KCNK13: variants seen among roughly 807,000 people sequenced by gnomAD.
The protein encoded by KCNK13 is potassium two pore domain channel subfamily K member 13.
A neutral mutation model predicts 23.4 loss-of-function variants in KCNK13; 12 were observed. That is an observed-to-expected ratio of 0.51 (90% CI 0.33 to 0.83). The LOEUF (loss-of-function observed/expected upper bound fraction) is 0.83. Among genes scored for constraint, KCNK13 ranks in the 40% least tolerant of loss-of-function variants. The probability of loss-of-function intolerance (pLI) is 0.02; values close to 1 mark genes in which losing one functional copy is unlikely to be tolerated. For missense variants in KCNK13, 463 were observed against 556.3 expected (o/e 0.83, Z 1.69); for synonymous variants, 231 against 229.5 (o/e 1.01, Z -0.06).
chr14:90,152,736 C>T (rs1437667071), intron 1 of KCNK13, among the ~76,000 whole-genome samples: 2 of 152,128 alleles, frequency 1.3e-5, no homozygotes, highest in Non-Finnish European at 2.9e-5. Flanking sequence ...AGTGTGATAC[C>T]TCCAGGTTTA....
chr14:90,176,144 C>T (rs1890420011), intron 1 of KCNK13, among the ~76,000 whole-genome samples: 1 of 152,146 alleles, frequency 6.6e-6, no homozygotes, highest in Non-Finnish European at 1.5e-5. Context: ...TCTTTGGAAC[C>T]TATGTACCAC....
chr14:90,181,618 G>A (rs1048598699), intron 1 of KCNK13, among the ~76,000 whole-genome samples: 3 of 152,164 alleles, frequency 2.0e-5, no homozygotes, highest in Admixed American at 1.3e-4. Flanking sequence ...GAACTTAACA[G>A]GTGCTCAGTA....
chr14:90,069,494 C>T (rs1889049237), intron 1 of KCNK13, among the ~76,000 whole-genome samples: 1 of 151,764 alleles, frequency 6.6e-6, no homozygotes, highest in African/African-American at 2.4e-5. Flanking sequence ...GTGTGTAAAT[C>T]CATGTGGTGC....
intron 1 of KCNK13, among the ~76,000 whole-genome samples, chr14:90,065,140 AT>A (rs1349722455): frequency 3.9e-5 from 6 of 152,210 alleles, no homozygotes; most frequent in African/African-American, 1.4e-4. Flanking sequence ...ATACATATGC[AT>A]TTTTAAAAAT....
At chr14:90,078,976 A>G (rs1039157240) in intron 1 of KCNK13, among the ~76,000 whole-genome samples, 1 of 152,206 alleles carries the variant, frequency 6.6e-6, no homozygotes, top group Non-Finnish European at 1.5e-5. Flanking sequence ...AAAGTAGCGA[A>G]AGCACACAGG....
intron 1 of KCNK13, among the ~76,000 whole-genome samples, chr14:90,128,126 G>C (rs887524629): frequency 4.6e-5 from 7 of 152,184 alleles, no homozygotes; most frequent in Admixed American, 2.6e-4. Context: ...TCTGGCCTAT[G>C]GAGGAAGAAC....
intron 1 of KCNK13, among the ~76,000 whole-genome samples, chr14:90,176,701 T>C (rs896632956): frequency 6.6e-6 from 1 of 152,136 alleles, no homozygotes; most frequent in Non-Finnish European, 1.5e-5. Context: ...GAAAACCTGC[T>C]GAGAAACATA....
chr14:90,076,430 A>T (rs1265057766), intron 1 of KCNK13, among the ~76,000 whole-genome samples: 1 of 152,198 alleles, frequency 6.6e-6, no homozygotes, highest in Non-Finnish European at 1.5e-5. Flanking sequence ...AGAGGGAAGG[A>T]AAGAGGTAAA....
chr14:90,137,994 AT>A (rs774313091), intron 1 of KCNK13, among the ~76,000 whole-genome samples: 3 of 152,104 alleles, frequency 2.0e-5, no homozygotes, highest in Non-Finnish European at 2.9e-5. Flanking sequence ...AGGGCTGATT[AT>A]TCACCCGTTG....
At chr14:90,098,291 G>A (rs969173841) in intron 1 of KCNK13, among the ~76,000 whole-genome samples, 1 of 152,056 alleles carries the variant, frequency 6.6e-6, no homozygotes, top group Non-Finnish European at 1.5e-5. Context: ...TATTTAAGTG[G>A]CACACAAAAA....
intron 1 of KCNK13, among the ~76,000 whole-genome samples, chr14:90,125,385 C>T (rs984234173): frequency 5.3e-5 from 8 of 151,832 alleles, no homozygotes; most frequent in Middle Eastern, 3.4e-3. Flanking sequence ...CACCACACCC[C>T]GCTAATTTTT....
chr14:90,115,533 C>T (rs1012747124), intron 1 of KCNK13, among the ~76,000 whole-genome samples: 1 of 152,206 alleles, frequency 6.6e-6, no homozygotes, highest in African/African-American at 2.4e-5. Flanking sequence ...ATTCAGATGT[C>T]TGACCCAGGG....
At chr14:90,102,192 A>C (rs929097165) in intron 1 of KCNK13, among the ~76,000 whole-genome samples, 1 of 152,118 alleles carries the variant, frequency 6.6e-6, no homozygotes. Flanking sequence ...CAGAAATAAA[A>C]AATTTTTAAA....
chr14:90,172,237 A>G (rs2140444123), intron 1 of KCNK13, among the ~76,000 whole-genome samples: 1 of 151,856 alleles, frequency 6.6e-6, no homozygotes, highest in Non-Finnish European at 1.5e-5. Flanking sequence ...GAATTGCTTG[A>G]ACCTGGGAGG....
At chr14:90,133,045 A>G (rs1889893669) in intron 1 of KCNK13, among the ~76,000 whole-genome samples, 1 of 152,198 alleles carries the variant, frequency 6.6e-6, no homozygotes, top group South Asian at 2.1e-4. Flanking sequence ...GGATCATTGT[A>G]GACAGGAGAC....
intron 1 of KCNK13, among the ~76,000 whole-genome samples, chr14:90,094,817 G>T (rs7142233): frequency 0.27 from 40,175 of 151,348 alleles, 6,066 homozygotes; most frequent in South Asian, 0.4. Flanking sequence ...CTGGCTAATT[G>T]TTTGTATTAT....
At chr14:90,110,554 G>A (rs1413754295) in intron 1 of KCNK13, among the ~76,000 whole-genome samples, 1 of 151,840 alleles carries the variant, frequency 6.6e-6, no homozygotes, top group Non-Finnish European at 1.5e-5. Context: ...TCCAGGTGAT[G>A]CCACTACTGC....
chr14:90,087,145 TATATA>T lies in KCNK13; in HGVS notation c.334+24607_334+24611del, dbSNP rs1457565713. On this transcript the variant is annotated intron_variant, in intron 1 of 1. Transcript: ENST00000282146. ...ATATATATACATATATATATATATA[TATATA>T]TATATTTTTTTTTTTTATTGAGATG... 8.9e-4 allele frequency among the ~76,000 whole-genome samples: 103 copies of T among 115,958 alleles called. 2 individuals are homozygous for T. Among genetic ancestry groups the T allele is most frequent in the African/African-American group, 3.3e-3 (93 of 28,310 alleles). 76.1% of individuals were successfully genotyped at this position (115,958 alleles called of 152,430 possible).
In KCNK13 at chr14:90,138,395, T is replaced by A. The variant is rs139523700; in HGVS notation, c.335-45716T>A. 6.1e-3 allele frequency among the ~76,000 whole-genome samples: 929 copies of A among 152,318 alleles called. 11 individuals carry two copies. Among genetic ancestry groups the A allele is most frequent in the African/African-American group, 0.021 (856 of 41,578 alleles). On this transcript the variant is annotated intron_variant, in intron 1 of 1. Coordinates refer to ENST00000282146, the MANE Select transcript of KCNK13 (RefSeq NM_022054.4). ...GGATCATATTACTTACAGAATTCTG[T>A]AACTTTTCTTTCTCCCAATGTGCTG...
Sources: gnomAD v4.1 joint callset for allele counts (sites outside exome capture counted in the v4.1 genomes callset) on GRCh38, gnomAD v4.1.1 for gene constraint, MANE v1.5 for transcripts, NCBI Gene and HGNC (gene_info 2026-07-23, HGNC 2026-07-21) for gene names.